COPA: variants seen among roughly 807,000 people sequenced by gnomAD.
The protein encoded by COPA is coatomer subunit alpha.
Under a neutral mutation model 158.7 loss-of-function variants are expected in COPA, and 10 were observed. That is an observed-to-expected ratio of 0.06 (90% CI 0.04 to 0.11). The LOEUF is 0.11. Ranked by LOEUF, COPA falls within the 10% of genes least tolerant of loss-of-function variation. The pLI, the probability that COPA is intolerant of heterozygous loss-of-function variation, is 1.00. For synonymous variants in COPA, 462 were observed against 542.8 expected, an observed-to-expected ratio of 0.85 and a Z score of 2.07; for missense variants, 1,065 against 1,536.7, an observed-to-expected ratio of 0.69 and a Z score of 5.13.
At chr1:160,339,644 T>C (rs1644538339) in intron 3 of COPA, 2 of 384,000 alleles carry the variant, frequency 5.2e-6, no homozygotes, top group African/African-American at 2.1e-5. Flanking sequence ...ATTACTTGGA[T>C]ATATGTTTAT....
At chr1:160,313,059 G>A in intron 10 of COPA, 26 bp downstream of exon 10, 1 of 1,601,320 alleles carries the variant, frequency 6.2e-7, no homozygotes, top group Non-Finnish European at 8.5e-7. Flanking sequence ...ATTAAGCAAA[G>A]AAAAAAGAGA....
At chr1:160,340,048 T>C (rs1647966000) in intron 2 of COPA, 66 bp from the exon 3 acceptor site, 2 of 1,576,512 alleles carry the variant, frequency 1.3e-6, no homozygotes, top group East Asian at 2.2e-5. Flanking sequence ...AGGTGATTCC[T>C]ATTCAGGATT....
chr1:160,299,745 G>A (rs1658538474), intron 17 of COPA, among the ~76,000 whole-genome samples: 1 of 152,158 alleles, frequency 6.6e-6, no homozygotes, highest in South Asian at 2.1e-4. Flanking sequence ...TGCATTAGAA[G>A]AAATATTAAA....
intron 11 of COPA, chr1:160,310,481 T>C (rs1272927756): frequency 1.2e-5 from 4 of 334,528 alleles, no homozygotes; most frequent in East Asian, 5.1e-5. Context: ...TAAGCCATAG[T>C]AGAAGTCAAA....
Position 160,295,877 on chromosome 1 carries a change from A to G in COPA, c.2353-18T>C, listed in dbSNP as rs1422209327. On this transcript the variant is annotated intron_variant, in intron 22 of 32. Transcript: ENST00000241704. Reference sequence around the variant, plus strand: ...TCTGGGATCTGAATAGTAGAAGAAAAGAGGCTAAAAACAAATAGCACTTGG... The same window carrying G: ...TCTGGGATCTGAATAGTAGAAGAAAGGAGGCTAAAAACAAATAGCACTTGG... 1 of 1,594,098 alleles carries G rather than the reference A, an allele frequency of 6.3e-7. No homozygotes were observed. Among genetic ancestry groups the G allele is most frequent in the Non-Finnish European group, 8.5e-7 (1 of 1,173,848 alleles).
chr1:160,342,914 G>C (rs1648157601), intron 1 of COPA, among the ~76,000 whole-genome samples: 1 of 152,188 alleles, frequency 6.6e-6, no homozygotes, highest in Non-Finnish European at 1.5e-5. Context: ...TGCAGTGTGG[G>C]AGCCACTTTA....
intron 8 of COPA, among the ~76,000 whole-genome samples, chr1:160,320,676 C>G (rs191128387): frequency 6.9e-6 from 1 of 145,284 alleles, no homozygotes; most frequent in East Asian, 2.0e-4. Context: ...AAACCAGTGC[C>G]TAGATCAAAG....
intron 13 of COPA, chr1:160,308,821 G>A (rs1658873446): frequency 5.6e-6 from 2 of 354,904 alleles, no homozygotes; most frequent in African/African-American, 4.3e-5. Context: ...CATATCAACT[G>A]ACAATAAACT....
chr1:160,313,483 C>G (rs1482937981), intron 9 of COPA, among the ~76,000 whole-genome samples: 1 of 151,784 alleles, frequency 6.6e-6, no homozygotes, highest in Non-Finnish European at 1.5e-5. Context: ...GGCGCGATCT[C>G]GGCTCACTGC....
intron 8 of COPA, among the ~76,000 whole-genome samples, chr1:160,319,825 G>A (rs963372452): frequency 3.0e-4 from 43 of 142,964 alleles, no homozygotes; most frequent in East Asian, 1.4e-3. Flanking sequence ...TGCTTGAAAC[G>A]AATGAAAATG....
At chr1:160,306,262 G>A in intron 15 of COPA, 92 bp downstream of exon 15, 2 of 1,457,040 alleles carry the variant, frequency 1.4e-6, no homozygotes, top group Non-Finnish European at 9.2e-7. Flanking sequence ...CAAGCCACAA[G>A]ACAAACTCAC....
Position 160,325,594 on chromosome 1 carries a change from A to C in COPA, c.555T>G (p.Thr185=). The C allele has an allele frequency of 6.2e-7, 1 of 1,614,168 alleles. No individual in the cohort carries two copies. Among genetic ancestry groups the C allele is most frequent in the Non-Finnish European group, 8.5e-7 (1 of 1,180,030 alleles). The change falls in exon 7 of 33, where the codon ACT becomes ACG. Residue 185 remains threonine, a synonymous_variant. Transcript: ENST00000241704. ...CTGTAGTTCCAAATAGATCAACCCC[A>C]GTTATTCCTCTCACATCCGATTCCA... is the stretch of plus-strand genomic sequence containing the variant. ...GAVESDVRGI[T]GVDLFGTTDA...
chr1:160,325,799 A>G (rs1659473385), intron 6 of COPA, 147 bp from the exon 7 acceptor site: 1 of 645,814 alleles, frequency 1.5e-6, no homozygotes. Flanking sequence ...AAGAATTCCT[A>G]TTTCTAAAAA....
intron 8 of COPA, among the ~76,000 whole-genome samples, chr1:160,320,565 C>T (rs1315189291): frequency 7.5e-6 from 1 of 133,160 alleles, no homozygotes; most frequent in South Asian, 2.5e-4. Flanking sequence ...GCTAAGATTG[C>T]CCTGCTGCAC....
chr1:160,302,752 C>T (rs1340569753), intron 17 of COPA, among the ~76,000 whole-genome samples: 1 of 151,572 alleles, frequency 6.6e-6, no homozygotes, highest in Non-Finnish European at 1.5e-5. Flanking sequence ...GATGGGGTTT[C>T]ACCGTGTTAG....
In COPA at chr1:160,293,531, G is replaced by A. The variant is rs1658310250; in HGVS notation, c.2677-68C>T. ...TTTTTTTGAGACAGGGTCACACTCT[G>A]TCACCTAGACTGGAGTACAGAGGCA... On this transcript the variant is annotated intron_variant, in intron 25 of 32. Transcript: ENST00000241704. The A allele has an allele frequency of 2.4e-6, 3 of 1,246,036 alleles. No homozygotes were observed. In the Admixed American group the frequency reaches 8.1e-5, roughly 34 times the overall value. The allele number at this position is 1,246,036 out of a possible 1,614,324, so 77.2% of individuals were successfully genotyped here. A position where few individuals can be genotyped will look rare whatever the true frequency, so the allele number is the denominator to read the frequency against.
intron 17 of COPA, among the ~76,000 whole-genome samples, chr1:160,304,596 G>A (rs868190850): frequency 6.6e-5 from 10 of 151,854 alleles, no homozygotes; most frequent in African/African-American, 9.7e-5. Flanking sequence ...CCCAGGAGGC[G>A]GAGGTTGCAG....
chr1:160,291,225 G>C, intron 31 of COPA, 110 bp downstream of exon 31: 1 of 1,246,460 alleles, frequency 8.0e-7, no homozygotes, highest in Non-Finnish European at 1.1e-6. Flanking sequence ...TTGGCTTTTT[G>C]TTGAATGTTG....
intron 8 of COPA, among the ~76,000 whole-genome samples, chr1:160,318,493 A>AC: frequency 2.5e-5 from 1 of 40,472 alleles, no homozygotes; most frequent in African/African-American, 1.2e-4. Flanking sequence ...AAAAAAAAAC[A>AC]AAAAAAAAAA....
Sources: allele counts gnomAD v4.1 joint callset (sites outside exome capture counted in the v4.1 genomes callset), GRCh38; gene constraint gnomAD v4.1.1; transcripts MANE v1.5; gene names NCBI Gene and HGNC (gene_info 2026-07-23, HGNC 2026-07-21).